The following ATAD2 variants were observed in gnomAD, a reference collection of about 807,000 sequenced individuals.
ATAD2 encodes ATPase family AAA domain containing 2.
Under a neutral mutation model 168.9 loss-of-function variants are expected in ATAD2, and 62 were observed. The observed-to-expected ratio is 0.37, with a 90% CI of 0.30 to 0.45. ATAD2 has a LOEUF of 0.45. Ranked by LOEUF, ATAD2 falls within the 20% of genes least tolerant of loss-of-function variation. The pLI, the probability that ATAD2 is intolerant of heterozygous loss-of-function variation, is 1.00. For synonymous variants in ATAD2, 613 were observed against 571.6 expected (o/e 1.07, Z -1.03); for missense variants, 1,419 against 1,667.8 (o/e 0.85, Z 2.60).
At chr8:123,401,690 A>G in intron 1 of ATAD2, 1 of 756,636 alleles carries the variant, frequency 1.3e-6, no homozygotes, top group Non-Finnish European at 2.4e-6. Flanking sequence ...GGGGCACGTC[A>G]AGGTGCCGGC....
At chr8:123,340,559 G>A (rs1169443896) in intron 19 of ATAD2, among the ~76,000 whole-genome samples, 1 of 152,154 alleles carries the variant, frequency 6.6e-6, no homozygotes, top group African/African-American at 2.4e-5. Context: ...AGGTGAAGAT[G>A]ACCCAAACGT....
chr8:123,369,212 T>A, intron 7 of ATAD2, 37 bp from the exon 8 acceptor site: 6 of 745,234 alleles, frequency 8.1e-6, no homozygotes, highest in Non-Finnish European at 9.0e-6. Flanking sequence ...TTTGTATATA[T>A]ATATATATAT....
chr8:123,333,841 T>G (rs1827843839), intron 24 of ATAD2, 37 bp downstream of exon 24: 1 of 1,554,120 alleles, frequency 6.4e-7, no homozygotes. Context: ...AAGAATAAAG[T>G]TATAATTTCA....
At chr8:123,411,299 T>C (rs1006932411) in intron 1 of ATAD2, among the ~76,000 whole-genome samples, 6 of 152,128 alleles carry the variant, frequency 3.9e-5, no homozygotes, top group Non-Finnish European at 5.9e-5. Flanking sequence ...CATGCTCCGA[T>C]GTTAATGACA....
intron 8 of ATAD2, among the ~76,000 whole-genome samples, chr8:123,368,000 T>C (rs924103567): frequency 6.6e-6 from 1 of 152,270 alleles, no homozygotes; most frequent in East Asian, 1.9e-4. Context: ...AAAATTCTAA[T>C]ATTAAGGGAA....
chr8:123,375,723 C>G (rs1212901611), intron 2 of ATAD2, among the ~76,000 whole-genome samples: 1 of 152,212 alleles, frequency 6.6e-6, no homozygotes, highest in Non-Finnish European at 1.5e-5. Flanking sequence ...GTAATTCCAG[C>G]ATTTTGGGAG....
At chr8:123,374,941 C>A (rs1482225915) in intron 2 of ATAD2, among the ~76,000 whole-genome samples, 1 of 152,066 alleles carries the variant, frequency 6.6e-6, no homozygotes, top group Non-Finnish European at 1.5e-5. Flanking sequence ...TTACTCATAT[C>A]TTTCTGTCTT....
intron 1 of ATAD2, among the ~76,000 whole-genome samples, chr8:123,407,852 CA>C (rs11315960): frequency 0.71 from 98,752 of 139,908 alleles, 33,811 homozygotes; most frequent in East Asian, 0.96. Context: ...GACTCCGTCT[CA>C]AAAAAAAAAA....
chr8:123,402,562 T>A lies in ATAD2; in HGVS notation c.-2281-1387A>T, dbSNP rs965537587. 2.0e-5 allele frequency among the ~76,000 whole-genome samples: 3 copies of A among 152,120 alleles called. No homozygotes were observed. Among genetic ancestry groups the A allele is most frequent in the African/African-American group, 7.2e-5 (3 of 41,428 alleles). On this transcript the variant is annotated intron_variant, in intron 1 of 28. Transcript: ENST00000521903. The surrounding 1 kb of genome is among the most constrained non-coding windows in gnomAD (Gnocchi z 4.8). The stretch of plus-strand genomic sequence containing the variant: ...TCCTGACCTAGGCTAAGGGGAGGTC[T>A]CTGCCCCCTTCCCCGGCCCTGGGCT...
At chr8:123,347,545 G>A (rs973057070) in intron 15 of ATAD2, 139 bp from the exon 16 acceptor site, 17 of 844,720 alleles carry the variant, frequency 2.0e-5, no homozygotes, top group Non-Finnish European at 2.8e-5. Flanking sequence ...AGAGTAATAA[G>A]ACCAAAATCT....
At chr8:123,329,727 G>A (rs1001905747) in intron 24 of ATAD2, among the ~76,000 whole-genome samples, 3 of 125,750 alleles carry the variant, frequency 2.4e-5, no homozygotes, top group African/African-American at 9.5e-5. Context: ...ACTCTAGCTT[G>A]CGTGACGCAA....
At position 123,353,357 on chromosome 8, in the gene ATAD2, C is replaced by G. The variant is rs886310806; in HGVS notation, c.1646+3032G>C. 5.3e-5 allele frequency among the ~76,000 whole-genome samples: 8 copies of G among 152,134 alleles called. No homozygotes were observed. In the East Asian group the frequency reaches 1.4e-3, roughly 26 times the overall value. ...CCAGCCTGGGTGACAGAGTGAGACT[C>G]TGTCACAAAACAACAACAACAACAA... On this transcript the variant is annotated intron_variant, in intron 13 of 27. Transcript: ENST00000287394.
At chr8:123,323,501 A>C (rs1337795574) in intron 26 of ATAD2, among the ~76,000 whole-genome samples, 2 of 152,194 alleles carry the variant, frequency 1.3e-5, no homozygotes, top group Non-Finnish European at 2.9e-5. Context: ...TCTTATATAA[A>C]AAGGATTTTC....
At chr8:123,384,500 G>A (rs973417790) in intron 1 of ATAD2, among the ~76,000 whole-genome samples, 2 of 152,196 alleles carry the variant, frequency 1.3e-5, no homozygotes, top group Non-Finnish European at 2.9e-5. Flanking sequence ...TCTGGTCACA[G>A]GTAGAAGTCC....
intron 26 of ATAD2, among the ~76,000 whole-genome samples, chr8:123,323,431 T>C (rs1170101267): frequency 1.3e-5 from 2 of 152,212 alleles, no homozygotes; most frequent in Non-Finnish European, 2.9e-5. Context: ...TAACTAATTT[T>C]ATTATGTGAA....
intron 8 of ATAD2, among the ~76,000 whole-genome samples, chr8:123,364,103 AATAC>A (rs1828898143): frequency 6.6e-6 from 1 of 152,184 alleles, no homozygotes; most frequent in Non-Finnish European, 1.5e-5. Flanking sequence ...TATAATAGCA[AATAC>A]ATACCGCACT....
At chr8:123,400,722 G>A (rs1470556889), upstream of ATAD2, 9 of 755,852 alleles carry the variant, frequency 1.2e-5, no homozygotes, top group East Asian at 2.5e-5. The surrounding 1 kb of genome is among the most constrained non-coding windows in gnomAD (Gnocchi z 4.5). Context: ...CTGATGAGGC[G>A]GACCTCACCT....
intron 2 of ATAD2, among the ~76,000 whole-genome samples, 156 bp from the exon 3 acceptor site, chr8:123,372,842 C>A (rs527579011): frequency 6.6e-6 from 1 of 152,176 alleles, no homozygotes; most frequent in South Asian, 2.1e-4. Flanking sequence ...ATACCTCCCA[C>A]CTCAGCCTCC....
intron 2 of ATAD2, among the ~76,000 whole-genome samples, chr8:123,375,279 T>C (rs1386394891): frequency 6.6e-6 from 1 of 152,084 alleles, no homozygotes; most frequent in African/African-American, 2.4e-5. Flanking sequence ...GCACATAAAA[T>C]GATGCTCAAC....
Sources: gnomAD v4.1 joint callset for allele counts (sites outside exome capture counted in the v4.1 genomes callset) on GRCh38, gnomAD v4.1.1 for gene constraint, Gnocchi (gnomAD v3.1) non-coding constraint, MANE v1.5 for transcripts, NCBI Gene and HGNC (gene_info 2026-07-23, HGNC 2026-07-21) for gene names.